Variants in CNTNAP5 observed in about 807,000 individuals in gnomAD.
CNTNAP5 encodes contactin associated protein family member 5.
Under a neutral mutation model 150.2 loss-of-function variants are expected in CNTNAP5, and 72 were observed. The ratio of observed to expected loss-of-function variants is 0.48; its 90% CI spans 0.40 to 0.58. The LOEUF (loss-of-function observed/expected upper bound fraction) is 0.58. Ranked by LOEUF, CNTNAP5 falls within the 20% of genes least tolerant of loss-of-function variation. The pLI, the probability that CNTNAP5 is intolerant of heterozygous loss-of-function variation, is 0.00. For missense variants in CNTNAP5, 1,636 were observed against 1,626.2 expected (o/e 1.01, Z -0.10); for synonymous variants, 672 against 619.8 (o/e 1.08, Z -1.25).
At chr2:124,104,528 T>A (rs1683132982) in intron 1 of CNTNAP5, among the ~76,000 whole-genome samples, 1 of 152,156 alleles carries the variant, frequency 6.6e-6, no homozygotes, top group South Asian at 2.1e-4. Flanking sequence ...GGTTTTTTTG[T>A]TTTGCTTTGT....
At chr2:124,518,740 G>A (rs1431034941) in intron 8 of CNTNAP5, among the ~76,000 whole-genome samples, 5 of 151,812 alleles carry the variant, frequency 3.3e-5, no homozygotes, top group East Asian at 1.9e-4. Flanking sequence ...TAATCCTATC[G>A]CTTTGGGAGG....
chr2:124,041,977 T>C (rs938756207), intron 1 of CNTNAP5, among the ~76,000 whole-genome samples: 1 of 152,112 alleles, frequency 6.6e-6, no homozygotes, highest in African/African-American at 2.4e-5. Flanking sequence ...TTCTTCTGCC[T>C]CAGCCTCCGA....
intron 3 of CNTNAP5, among the ~76,000 whole-genome samples, chr2:124,416,723 A>C (rs1691926952): frequency 6.6e-6 from 1 of 152,066 alleles, no homozygotes; most frequent in African/African-American, 2.4e-5. Context: ...GAAAGTGCTT[A>C]GCATAGTGAC....
At position 124,915,190 on chromosome 2, in the gene CNTNAP5, A is replaced by G. The variant is rs1678739012; in HGVS notation, c.*902A>G. On this transcript the variant is annotated 3_prime_UTR_variant, in exon 24 of 24. Coordinates refer to ENST00000682447, the MANE Select transcript of CNTNAP5 (RefSeq NM_001367498.1). ...TATATATGTATATATATATGTGAGT[A>G]TATATACACACACACACACACACAC... 1.3e-5 allele frequency: 2 copies of G among 154,070 alleles called. No homozygotes were observed. Among genetic ancestry groups the G allele is most frequent in the East Asian group, 2.0e-4 (1 of 5,110 alleles). 9.5% of individuals were successfully genotyped at this position (154,070 alleles called of 1,614,324 possible).
intron 11 of CNTNAP5, among the ~76,000 whole-genome samples, chr2:124,579,359 ATTAC>A (rs1247658035): frequency 5.9e-5 from 9 of 152,328 alleles, no homozygotes; most frequent in Non-Finnish European, 1.0e-4. Flanking sequence ...ATTGCTCTAA[ATTAC>A]TTACTTACTG....
intron 3 of CNTNAP5, among the ~76,000 whole-genome samples, chr2:124,306,505 A>G (rs1159063908): frequency 6.6e-6 from 1 of 152,170 alleles, no homozygotes; most frequent in Non-Finnish European, 1.5e-5. Context: ...TTGCCCAGAC[A>G]TCAGCCCACA....
intron 1 of CNTNAP5, among the ~76,000 whole-genome samples, chr2:124,205,564 G>T (rs1685842777): frequency 6.6e-6 from 1 of 151,916 alleles, no homozygotes; most frequent in South Asian, 2.1e-4. Flanking sequence ...GACTACAGGT[G>T]TGCACCACCA....
chr2:124,907,418 A>G (rs1449522998), intron 22 of CNTNAP5, among the ~76,000 whole-genome samples: 1 of 151,136 alleles, frequency 6.6e-6, no homozygotes, highest in East Asian at 1.9e-4. Context: ...ATAGAGATAG[A>G]TACAGATAGT....
At chr2:124,625,792 G>C (rs755320939) in intron 12 of CNTNAP5, among the ~76,000 whole-genome samples, 2 of 152,190 alleles carry the variant, frequency 1.3e-5, no homozygotes, top group Non-Finnish European at 2.9e-5. Context: ...CGTAATGTAA[G>C]CTGCTGGTCC....
chr2:124,626,283 C>T (rs1452268032), intron 12 of CNTNAP5, among the ~76,000 whole-genome samples: 1 of 151,964 alleles, frequency 6.6e-6, no homozygotes, highest in Non-Finnish European at 1.5e-5. Flanking sequence ...AGAAAGGGGC[C>T]GAGATGGCAG....
intron 13 of CNTNAP5, among the ~76,000 whole-genome samples, chr2:124,657,722 T>C (rs558440389): frequency 2.1e-4 from 32 of 152,306 alleles, no homozygotes; most frequent in Middle Eastern, 3.4e-3. Flanking sequence ...GTTCTCCCAT[T>C]AATACAGTGA....
chr2:124,340,201 C>T (rs1689576513), intron 3 of CNTNAP5, among the ~76,000 whole-genome samples: 1 of 152,144 alleles, frequency 6.6e-6, no homozygotes. Flanking sequence ...AATTAAATTC[C>T]TCCCAAATTT....
chr2:124,452,992 C>T (rs1371105519), intron 6 of CNTNAP5, among the ~76,000 whole-genome samples: 2 of 152,138 alleles, frequency 1.3e-5, no homozygotes, highest in Non-Finnish European at 2.9e-5. Flanking sequence ...AAAAAAATTA[C>T]ACTAGCTTTC....
intron 13 of CNTNAP5, among the ~76,000 whole-genome samples, chr2:124,682,718 T>G (rs1305110781): frequency 6.6e-6 from 1 of 152,022 alleles, no homozygotes; most frequent in East Asian, 1.9e-4. Context: ...TATGTTGTTT[T>G]AGAGAGAGAG....
intron 13 of CNTNAP5, among the ~76,000 whole-genome samples, chr2:124,742,728 T>A (rs920268530): frequency 6.6e-6 from 1 of 152,070 alleles, no homozygotes; most frequent in African/African-American, 2.4e-5. Context: ...AATATTTGCA[T>A]GGAAGTAATG....
rs1020438039 is a variant in CNTNAP5, at chr2:124,446,870, C to T, written c.851C>T (p.Thr284Met). ...CGGGTGGGCAAGCAGGTGAACTTCACGGTGGACAAGCACACACAGCACTTC... is the reference window on the plus strand; with the variant it reads ...CGGGTGGGCAAGCAGGTGAACTTCATGGTGGACAAGCACACACAGCACTTC... ...IERVGKQVNF[T>M]VDKHTQHFRT... Residue 284 changes from threonine to methionine, a missense_variant, in exon 6 of 24, where the codon ACG becomes ATG. Transcript: ENST00000682447. 9 of 1,613,848 alleles carry T rather than the reference C, an allele frequency of 5.6e-6. No homozygotes were observed. Among genetic ancestry groups the T allele is most frequent in the Middle Eastern group, 1.6e-4 (1 of 6,084 alleles).
intron 11 of CNTNAP5, among the ~76,000 whole-genome samples, chr2:124,564,119 G>A (rs987274065): frequency 3.3e-5 from 5 of 152,110 alleles, no homozygotes; most frequent in Non-Finnish European, 5.9e-5. Context: ...AAACAAGAAA[G>A]AAACAAAAAG....
chr2:124,765,342 G>A (rs1047027749), intron 16 of CNTNAP5, among the ~76,000 whole-genome samples: 1 of 152,118 alleles, frequency 6.6e-6, no homozygotes, highest in Admixed American at 6.5e-5. Flanking sequence ...CTAGTAGGAT[G>A]CAAATTTTGT....
intron 3 of CNTNAP5, among the ~76,000 whole-genome samples, chr2:124,324,047 T>A (rs1689160980): frequency 6.6e-6 from 1 of 152,190 alleles, no homozygotes; most frequent in Non-Finnish European, 1.5e-5. Context: ...ATACATTCAT[T>A]AATATTCATT....
Sources: allele counts gnomAD v4.1 joint callset (sites outside exome capture counted in the v4.1 genomes callset), GRCh38; gene constraint gnomAD v4.1.1; transcripts MANE v1.5; gene names NCBI Gene and HGNC (gene_info 2026-07-23, HGNC 2026-07-21).